CCDC32: variants seen among roughly 807,000 people sequenced by gnomAD.
CCDC32 encodes coiled-coil domain-containing protein 32.
In CCDC32, 9 loss-of-function variants were observed where a neutral mutation model predicts 20.1. The observed-to-expected ratio is 0.45, with a 90% CI of 0.27 to 0.78. CCDC32 has a LOEUF of 0.78. CCDC32 is among the 30% of genes least tolerant of loss of function. CCDC32 has a pLI of 0.16. For synonymous variants in CCDC32, 63 were observed against 79.0 expected (o/e 0.80, Z 1.07); for missense variants, 204 against 215.5 (o/e 0.95, Z 0.33).
intron 3 of CCDC32, among the ~76,000 whole-genome samples, chr15:40,539,881 C>CA (rs1491175376): frequency 2.4e-4 from 35 of 147,962 alleles, no homozygotes; most frequent in Admixed American, 1.4e-3. Flanking sequence ...CACACACACA[C>CA]CCCGCTCCTT....
At chr15:40,533,657 T>C (rs1415309884), downstream of CCDC32, among the ~76,000 whole-genome samples, 1 of 152,040 alleles carries the variant, frequency 6.6e-6, no homozygotes, top group Non-Finnish European at 1.5e-5. Context: ...TCCTGCATTG[T>C]TATAAAGAGT....
downstream of CCDC32, among the ~76,000 whole-genome samples, chr15:40,525,410 G>A (rs7178756): frequency 0.48 from 72,506 of 151,484 alleles, 19,409 homozygotes; most frequent in East Asian, 0.75. Context: ...TAATCCGCCC[G>A]CCTCAGCCTC....
chr15:40,538,722 C>G (rs575339939), downstream of CCDC32: 3 of 152,490 alleles, frequency 2.0e-5, no homozygotes, highest in African/African-American at 4.8e-5. Flanking sequence ...GATTGGAAAG[C>G]CTTTTATTTT....
chr15:40,535,641 C>T, downstream of CCDC32: 1 of 985,300 alleles, frequency 1.0e-6, no homozygotes, highest in African/African-American at 1.7e-5. Context: ...ATAGTGCATG[C>T]TGAACAACAC....
chr15:40,545,304 T>C (rs1419822530), intron 3 of CCDC32, among the ~76,000 whole-genome samples: 3 of 152,094 alleles, frequency 2.0e-5, no homozygotes, highest in Admixed American at 2.0e-4. Flanking sequence ...GCTCATAAAC[T>C]CTCAGTAACC....
downstream of CCDC32, among the ~76,000 whole-genome samples, chr15:40,525,955 T>TC (rs750137585): frequency 6.6e-6 from 1 of 152,020 alleles, no homozygotes; most frequent in Non-Finnish European, 1.5e-5. Context: ...TTTTTTTTTT[T>TC]CTCTCCATGA....
chr15:40,523,246 T>C, the CCDC32 span, among the ~76,000 whole-genome samples: 1 of 151,952 alleles, frequency 6.6e-6, no homozygotes, highest in Admixed American at 6.5e-5. Context: ...GGCTCATGCC[T>C]GTAATCCCAG....
chr15:40,549,352 G>T (rs556404540), downstream of CCDC32, among the ~76,000 whole-genome samples: 30 of 152,196 alleles, frequency 2.0e-4, 1 homozygote, highest in African/African-American at 7.2e-4. Flanking sequence ...GTTCCCTTTT[G>T]CTTTTAGGGC....
chr15:40,535,832 C>T (rs1385558186), downstream of CCDC32: 5 of 212,908 alleles, frequency 2.3e-5, no homozygotes, highest in Non-Finnish European at 4.0e-5. Flanking sequence ...ATGAGGGGGC[C>T]TAGCCTTTGC....
intron 3 of CCDC32, among the ~76,000 whole-genome samples, chr15:40,543,755 G>A (rs2014367): frequency 0.87 from 132,253 of 152,138 alleles, 58,052 homozygotes; most frequent in Non-Finnish European, 0.93. Context: ...ACCCGGGCTT[G>A]TCAGCCTGTT....
At chr15:40,559,264 G>C (rs997119079) in intron 2 of CCDC32, among the ~76,000 whole-genome samples, 1 of 152,118 alleles carries the variant, frequency 6.6e-6, no homozygotes, top group African/African-American at 2.4e-5. Context: ...TTTTAAAAAT[G>C]TATTTGTAAA....
In CCDC32 at chr15:40,562,711, T is replaced by G; in HGVS notation, c.244+61A>C. On this transcript the variant is annotated intron_variant, in intron 2 of 3. Coordinates refer to ENST00000416810, the MANE Select transcript of CCDC32 (RefSeq NM_001080792.4). ...CAGGAATAACAACAACACAAAAGAA[T>G]AGGAAACCAAGTTTGATGTAACAGA... The G allele has an allele frequency of 1.9e-6, 3 of 1,545,644 alleles. No homozygotes were observed. The Admixed American group carries it at 5.8e-5, about 30-fold the overall frequency.
At chr15:40,523,174 C>T in the CCDC32 span, among the ~76,000 whole-genome samples, 1 of 151,686 alleles carries the variant, frequency 6.6e-6, no homozygotes, top group Non-Finnish European at 1.5e-5. Context: ...GAGTGAGCCA[C>T]TGTACCTGGC....
At chr15:40,526,100 C>T (rs1894897578), downstream of CCDC32, among the ~76,000 whole-genome samples, 1 of 152,118 alleles carries the variant, frequency 6.6e-6, no homozygotes, top group Non-Finnish European at 1.5e-5. Context: ...GCGGCCTCAC[C>T]TCACACAATG....
chr15:40,525,218 T>G (rs542396269), downstream of CCDC32, among the ~76,000 whole-genome samples: 1 of 152,168 alleles, frequency 6.6e-6, no homozygotes, highest in East Asian at 1.9e-4. Context: ...TTAGTTGAGA[T>G]GGGGTTTTAC....
chr15:40,562,731 A>G, intron 2 of CCDC32, 41 bp downstream of exon 2: 1 of 1,577,358 alleles, frequency 6.3e-7, no homozygotes, highest in Non-Finnish European at 8.6e-7. Context: ...AGTTTGATGT[A>G]ACAGAACTTC....
downstream of CCDC32, chr15:40,535,534 C>A: frequency 2.0e-6 from 2 of 985,978 alleles, no homozygotes; most frequent in East Asian, 1.1e-4. Context: ...AGGGCCCGCC[C>A]CTTCTCTCCT....
At chr15:40,564,540 A>G (rs1273859866) in intron 1 of CCDC32, among the ~76,000 whole-genome samples, 1 of 152,186 alleles carries the variant, frequency 6.6e-6, no homozygotes, top group East Asian at 1.9e-4. Flanking sequence ...CTATCTAGGC[A>G]TATGAGACAG....
chr15:40,536,424 C>CT (rs1472846268), downstream of CCDC32: 1 of 152,356 alleles, frequency 6.6e-6, no homozygotes, highest in Non-Finnish European at 1.5e-5. Context: ...GAGGGAACAG[C>CT]TACAGGAGAT....
Sources: allele counts gnomAD v4.1 joint callset (sites outside exome capture counted in the v4.1 genomes callset), GRCh38; gene constraint gnomAD v4.1.1; transcripts MANE v1.5; gene names NCBI Gene and HGNC (gene_info 2026-07-23, HGNC 2026-07-21).